The following FSTL5 variants were observed in gnomAD, a reference collection of about 807,000 sequenced individuals.
FSTL5 encodes follistatin-related protein 5.
In FSTL5, 62 loss-of-function variants were observed where a neutral mutation model predicts 89.1. That is an observed-to-expected ratio of 0.70 (90% CI 0.57 to 0.86). The LOEUF (loss-of-function observed/expected upper bound fraction) is 0.86, where lower values mean the gene tolerates loss of function less well. Ranked by LOEUF, FSTL5 falls within the 40% of genes least tolerant of loss-of-function variation. FSTL5 has a pLI of 0.00. For synonymous variants in FSTL5, 383 were observed against 346.2 expected, an observed-to-expected ratio of 1.11 and a Z score of -1.18; for missense variants, 1,057 against 1,001.6, an observed-to-expected ratio of 1.06 and a Z score of -0.75.
chr4:161,550,512 CTT>C (rs201045373), intron 8 of FSTL5, among the ~76,000 whole-genome samples: 2 of 150,540 alleles, frequency 1.3e-5, no homozygotes, highest in Non-Finnish European at 1.5e-5. Context: ...AAACAAATAA[CTT>C]TTTTTTGTAT....
At chr4:161,803,655 CAAGT>C (rs899808910) in intron 4 of FSTL5, among the ~76,000 whole-genome samples, 6 of 151,594 alleles carry the variant, frequency 4.0e-5, no homozygotes, top group African/African-American at 1.2e-4. Context: ...TTTACTACAC[CAAGT>C]AAGTTTGCAC....
chr4:161,587,318 A>G, intron 8 of FSTL5, 137 bp downstream of exon 8: 3 of 653,270 alleles, frequency 4.6e-6, no homozygotes, highest in Non-Finnish European at 7.7e-6. Flanking sequence ...TACTTAAAAA[A>G]CTTTTACATT....
At chr4:161,420,013 T>C (rs1311290782) in intron 15 of FSTL5, among the ~76,000 whole-genome samples, 3 of 152,220 alleles carry the variant, frequency 2.0e-5, no homozygotes, top group African/African-American at 7.2e-5. Context: ...TAATTGAGTT[T>C]GATCACCAAC....
chr4:161,575,651 A>T (rs1347386279), intron 8 of FSTL5, among the ~76,000 whole-genome samples: 1 of 151,848 alleles, frequency 6.6e-6, no homozygotes, highest in Non-Finnish European at 1.5e-5. Flanking sequence ...ACAGGGTTTC[A>T]CCATCTTGGC....
At chr4:161,601,329 GA>G (rs35261391) in intron 7 of FSTL5, among the ~76,000 whole-genome samples, 40,376 of 106,666 alleles carry the variant, frequency 0.38, 7,375 homozygotes, top group Middle Eastern at 0.56. Context: ...TAAATAGTTG[GA>G]AAAAAAAAAA....
intron 3 of FSTL5, among the ~76,000 whole-genome samples, chr4:161,987,719 C>T (rs1450336302): frequency 2.0e-5 from 3 of 150,716 alleles, no homozygotes; most frequent in African/African-American, 2.4e-5. Flanking sequence ...TCATGAGGAA[C>T]ATTCTTTACC....
intron 7 of FSTL5, among the ~76,000 whole-genome samples, chr4:161,645,047 A>G (rs1186729793): frequency 6.6e-6 from 1 of 152,200 alleles, no homozygotes; most frequent in Non-Finnish European, 1.5e-5. Flanking sequence ...AAATATTTCT[A>G]GTAATTTTGC....
At chr4:161,680,453 T>C (rs1331905208) in intron 6 of FSTL5, among the ~76,000 whole-genome samples, 1 of 151,952 alleles carries the variant, frequency 6.6e-6, no homozygotes, top group East Asian at 1.9e-4. Context: ...TTTAATATGT[T>C]TAATAAAGGG....
chr4:161,816,391 T>C (rs1317723470), intron 4 of FSTL5, among the ~76,000 whole-genome samples: 2 of 152,248 alleles, frequency 1.3e-5, no homozygotes, highest in Non-Finnish European at 2.9e-5. Flanking sequence ...AATTTAATTT[T>C]CATAGTTTTA....
At chr4:161,638,179 C>T (rs1578986182) in intron 7 of FSTL5, among the ~76,000 whole-genome samples, 2 of 151,694 alleles carry the variant, frequency 1.3e-5, no homozygotes, top group East Asian at 3.9e-4. Flanking sequence ...AGATCCTTCA[C>T]ATCCCTTGTA....
intron 4 of FSTL5, among the ~76,000 whole-genome samples, chr4:161,898,089 T>C (rs541419956): frequency 3.4e-4 from 51 of 148,184 alleles, no homozygotes; most frequent in African/African-American, 1.1e-3. Context: ...TATATTTATA[T>C]ATATATATTT....
At chr4:162,023,251 T>A (rs1258058937) in intron 3 of FSTL5, among the ~76,000 whole-genome samples, 1 of 152,150 alleles carries the variant, frequency 6.6e-6, no homozygotes, top group Non-Finnish European at 1.5e-5. Flanking sequence ...TTTAATTTTG[T>A]TCAGTAGTGT....
At chr4:161,983,511 G>A (rs1055877264) in intron 3 of FSTL5, among the ~76,000 whole-genome samples, 1 of 152,156 alleles carries the variant, frequency 6.6e-6, no homozygotes, top group African/African-American at 2.4e-5. Flanking sequence ...GAGTTACTTT[G>A]AAGTATAAAT....
intron 4 of FSTL5, among the ~76,000 whole-genome samples, chr4:161,896,510 T>C (rs1014032686): frequency 1.3e-5 from 2 of 152,180 alleles, no homozygotes; most frequent in Admixed American, 6.5e-5. Flanking sequence ...AGTAGCTTAA[T>C]GGAACTGAGG....
intron 4 of FSTL5, among the ~76,000 whole-genome samples, chr4:161,885,101 C>A (rs1320145839): frequency 6.6e-6 from 1 of 151,962 alleles, no homozygotes; most frequent in African/African-American, 2.4e-5. Context: ...GGTGTTAGAA[C>A]TTGAAGGGTG....
At chr4:162,093,317 T>A (rs1000224619) in intron 2 of FSTL5, among the ~76,000 whole-genome samples, 5 of 152,174 alleles carry the variant, frequency 3.3e-5, no homozygotes, top group Admixed American at 2.6e-4. Context: ...CTCTGGAAAA[T>A]TTTAACTAAC....
chr4:161,741,566 G>A (rs1740028067), intron 6 of FSTL5, among the ~76,000 whole-genome samples: 2 of 152,026 alleles, frequency 1.3e-5, no homozygotes, highest in African/African-American at 4.8e-5. Flanking sequence ...GAGCAACTAA[G>A]AGTGAATACA....
intron 10 of FSTL5, among the ~76,000 whole-genome samples, chr4:161,518,005 A>G (rs556956128): frequency 2.6e-5 from 4 of 152,352 alleles, no homozygotes; most frequent in East Asian, 3.9e-4. Flanking sequence ...ATGGAGAATG[A>G]ACTAAGACTT....
At chr4:161,889,064 G>A (rs1433717047) in intron 4 of FSTL5, among the ~76,000 whole-genome samples, 1 of 151,994 alleles carries the variant, frequency 6.6e-6, no homozygotes. Context: ...AAGTTACTTT[G>A]CGTGTATAAC....
Sources: gnomAD v4.1 joint callset for allele counts (sites outside exome capture counted in the v4.1 genomes callset) on GRCh38, gnomAD v4.1.1 for gene constraint, MANE v1.5 for transcripts, NCBI Gene and HGNC (gene_info 2026-07-23, HGNC 2026-07-21) for gene names.